Variants in RIC1 observed in about 807,000 individuals in gnomAD.
RIC1 encodes RIC1 partner of RAB6A GEF complex.
Under a neutral mutation model 169.0 loss-of-function variants are expected in RIC1, and 88 were observed. The ratio of observed to expected loss-of-function variants is 0.52; its 90% CI spans 0.44 to 0.62. RIC1 has a LOEUF of 0.62. Ranked by LOEUF, RIC1 falls within the 20% of genes least tolerant of loss-of-function variation. RIC1 has a pLI of 0.00. For missense variants in RIC1, 1,877 were observed against 1,725.5 expected (o/e 1.09, Z -1.56); for synonymous variants, 790 against 601.5 (o/e 1.31, Z -4.59).
At chr9:5,643,859 T>C (rs1818372868) in intron 1 of RIC1, among the ~76,000 whole-genome samples, 1 of 152,258 alleles carries the variant, frequency 6.6e-6, no homozygotes, top group Non-Finnish European at 1.5e-5. Context: ...TGAGACAGTT[T>C]CTTCGTTCAG....
At chr9:5,704,708 C>G (rs1436905615) in intron 3 of RIC1, among the ~76,000 whole-genome samples, 1 of 151,724 alleles carries the variant, frequency 6.6e-6, no homozygotes, top group African/African-American at 2.4e-5. Flanking sequence ...TATTTTGTTC[C>G]TTACAGTTTT....
intron 2 of RIC1, among the ~76,000 whole-genome samples, chr9:5,672,455 A>T (rs1820161931): frequency 6.6e-6 from 1 of 152,220 alleles, no homozygotes; most frequent in Non-Finnish European, 1.5e-5. Flanking sequence ...AATTCAACAG[A>T]TGAACTGATA....
chr9:5,688,537 G>A (rs376156739), intron 2 of RIC1, among the ~76,000 whole-genome samples: 1 of 151,994 alleles, frequency 6.6e-6, no homozygotes, highest in Non-Finnish European at 1.5e-5. Context: ...TCTCCATATT[G>A]CAAGAACATA....
intron 13 of RIC1, 78 bp downstream of exon 13, chr9:5,753,316 G>A (rs1294309159): frequency 2.4e-6 from 3 of 1,248,848 alleles, no homozygotes; most frequent in East Asian, 2.3e-5. Flanking sequence ...GAGCCCTTCA[G>A]TGGGTGTACT....
chr9:5,684,329 T>A (rs1821075668), intron 2 of RIC1, among the ~76,000 whole-genome samples: 1 of 122,104 alleles, frequency 8.2e-6, no homozygotes. Flanking sequence ...TACAGAAATG[T>A]CTGCTGGGAG....
intron 2 of RIC1, among the ~76,000 whole-genome samples, chr9:5,684,907 C>G (rs1479901240): frequency 1.3e-5 from 2 of 152,074 alleles, no homozygotes; most frequent in African/African-American, 4.8e-5. Context: ...GCTTTTAATG[C>G]AATGTATTCA....
intron 19 of RIC1, among the ~76,000 whole-genome samples, chr9:5,764,420 A>C (rs1382932204): frequency 2.0e-5 from 3 of 152,194 alleles, no homozygotes; most frequent in Non-Finnish European, 4.4e-5. Context: ...AGTTTTTCTC[A>C]AAATAATGGC....
At chr9:5,725,323 A>T (rs1369048281) in intron 6 of RIC1, among the ~76,000 whole-genome samples, 1 of 152,176 alleles carries the variant, frequency 6.6e-6, no homozygotes, top group Non-Finnish European at 1.5e-5. Context: ...CATTTCTTCT[A>T]GAGTTTCTAG....
At chr9:5,721,322 C>T (rs1320882628) in intron 6 of RIC1, among the ~76,000 whole-genome samples, 1 of 152,190 alleles carries the variant, frequency 6.6e-6, no homozygotes, top group Non-Finnish European at 1.5e-5. Context: ...AAAGATTAGG[C>T]ATGCAGACAT....
chr9:5,629,645 C>T (rs1444380761), intron 1 of RIC1, among the ~76,000 whole-genome samples, 192 bp downstream of exon 1: 1 of 152,122 alleles, frequency 6.6e-6, no homozygotes, highest in African/African-American at 2.4e-5. Flanking sequence ...CTCCAGCCGG[C>T]GGTCCGGGGT....
intron 2 of RIC1, among the ~76,000 whole-genome samples, chr9:5,667,209 C>T (rs1819827990): frequency 6.6e-6 from 1 of 152,130 alleles, no homozygotes; most frequent in African/African-American, 2.4e-5. Context: ...GTAGTCCTAG[C>T]TGCTCAGGAG....
In RIC1 at chr9:5,774,521, G is replaced by T. The variant is rs1586741794; in HGVS notation, c.*275G>T. The stretch of plus-strand genomic sequence containing the variant: ...AATATTTTGGTTTTACTCAAAGGTT[G>T]GTAGCTCTTAAACCACAGGAATTGT... On this transcript the variant is annotated 3_prime_UTR_variant, in exon 26 of 26. Transcript: ENST00000414202. The T allele has an allele frequency of 1.2e-5, 3 of 259,430 alleles. No individual in the cohort carries two copies. The East Asian group carries it at 2.2e-4, about 19-fold the overall frequency. 16.1% of individuals were successfully genotyped at this position (259,430 alleles called of 1,614,324 possible).
At chr9:5,701,031 C>A (rs1161879807) in intron 3 of RIC1, among the ~76,000 whole-genome samples, 2 of 152,012 alleles carry the variant, frequency 1.3e-5, no homozygotes, top group African/African-American at 4.8e-5. Flanking sequence ...TTTAATTTCC[C>A]TTCATGTTTC....
At chr9:5,707,610 C>G (rs147113195) in intron 3 of RIC1, among the ~76,000 whole-genome samples, 5 of 152,060 alleles carry the variant, frequency 3.3e-5, no homozygotes, top group African/African-American at 1.2e-4. Context: ...ACTGTTTGAT[C>G]ATTATAAAAA....
At chr9:5,718,697 T>C (rs1823414703) in intron 4 of RIC1, among the ~76,000 whole-genome samples, 1 of 152,244 alleles carries the variant, frequency 6.6e-6, no homozygotes, top group South Asian at 2.1e-4. Flanking sequence ...ATGATACACA[T>C]AGATTTTATC....
chr9:5,767,603 T>C (rs1826873490), intron 21 of RIC1, among the ~76,000 whole-genome samples: 1 of 152,216 alleles, frequency 6.6e-6, no homozygotes, highest in South Asian at 2.1e-4. Flanking sequence ...TTTTTGTTTT[T>C]TGAGATGGAG....
In RIC1 at chr9:5,763,104, A is replaced by T; in HGVS notation, c.2113-36A>T. The T allele has an allele frequency of 6.3e-7, 1 of 1,593,108 alleles. No individual in the cohort carries two copies. Among genetic ancestry groups the T allele is most frequent in the Non-Finnish European group, 8.6e-7 (1 of 1,168,600 alleles). On this transcript the variant is annotated intron_variant, in intron 18 of 25. Coordinates refer to ENST00000414202, the MANE Select transcript of RIC1 (RefSeq NM_020829.4). The surrounding 1 kb of genome is among the most constrained non-coding windows in gnomAD (Gnocchi z 5.2). ...GAACTTAAGAACCTGCAGATTTAAT[A>T]GGAAAACAACTTGATTCTTGTCTCT...
chr9:5,665,299 G>A (rs545760177), intron 2 of RIC1, among the ~76,000 whole-genome samples: 36 of 152,336 alleles, frequency 2.4e-4, no homozygotes, highest in Non-Finnish European at 4.4e-4. Context: ...TTGTGTGGGA[G>A]TCTAAGTCTC....
chr9:5,678,475 C>T (rs13287404), intron 2 of RIC1, among the ~76,000 whole-genome samples: 2 of 151,626 alleles, frequency 1.3e-5, no homozygotes, highest in South Asian at 2.1e-4. Context: ...CAGTGTAAAA[C>T]TGTTCCTATT....
Sources: allele counts gnomAD v4.1 joint callset (sites outside exome capture counted in the v4.1 genomes callset), GRCh38; gene constraint gnomAD v4.1.1; non-coding constraint Gnocchi (gnomAD v3.1); transcripts MANE v1.5; gene names NCBI Gene and HGNC (gene_info 2026-07-23, HGNC 2026-07-21).